The following MTX2 variants were observed in gnomAD, a reference collection of about 807,000 sequenced individuals.
MTX2 encodes the protein metaxin 2, also known as metaxin-2.
Under a neutral mutation model 42.3 loss-of-function variants are expected in MTX2, and 35 were observed. That is an observed-to-expected ratio of 0.83 (90% CI 0.63 to 1.10). MTX2 has a LOEUF of 1.10. Among genes scored for constraint, MTX2 ranks in the 50% least tolerant of loss-of-function variants. MTX2 has a pLI of 0.00. For synonymous variants in MTX2, 119 were observed against 100.9 expected (o/e 1.18, Z -1.08); for missense variants, 307 against 304.1 (o/e 1.01, Z -0.07).
At chr2:176,282,081 C>T (rs1693089561) in intron 1 of MTX2, among the ~76,000 whole-genome samples, 1 of 135,436 alleles carries the variant, frequency 7.4e-6, no homozygotes, top group African/African-American at 2.9e-5. Flanking sequence ...GAGATGTTAT[C>T]CTTCCTTAAA....
chr2:176,303,183 G>T (rs1050233705), intron 3 of MTX2, among the ~76,000 whole-genome samples: 1 of 151,976 alleles, frequency 6.6e-6, no homozygotes, highest in African/African-American at 2.4e-5. Context: ...GATGACATGA[G>T]TGGACATATT....
intron 1 of MTX2, 51 bp downstream of exon 1, chr2:176,269,720 C>T (rs1009317598): frequency 1.9e-5 from 30 of 1,557,124 alleles, no homozygotes; most frequent in Non-Finnish European, 2.6e-5. Flanking sequence ...TCTCGGGGAG[C>T]CGCGTGGGGT....
intron 3 of MTX2, among the ~76,000 whole-genome samples, chr2:176,301,710 C>A (rs1156230317): frequency 1.3e-5 from 2 of 152,098 alleles, no homozygotes; most frequent in Non-Finnish European, 2.9e-5. Flanking sequence ...TTTCACCTAA[C>A]AATAAGTGAT....
chr2:176,337,426 C>A, intron 9 of MTX2, 67 bp from the exon 10 acceptor site: 1 of 1,369,160 alleles, frequency 7.3e-7, no homozygotes, highest in Non-Finnish European at 9.9e-7. Context: ...GTGAAGAGGG[C>A]CAACTGTGTT....
intron 3 of MTX2, among the ~76,000 whole-genome samples, chr2:176,306,947 A>C (rs1404089389): frequency 6.6e-6 from 1 of 152,056 alleles, no homozygotes; most frequent in African/African-American, 2.4e-5. Flanking sequence ...TTTTGTTGCC[A>C]TTGTTTTTGG....
intron 1 of MTX2, among the ~76,000 whole-genome samples, chr2:176,276,723 A>G (rs1283121098): frequency 6.6e-6 from 1 of 152,180 alleles, no homozygotes; most frequent in Non-Finnish European, 1.5e-5. Context: ...AACTCTTAAC[A>G]TGTAGTATCC....
At chr2:176,327,087 T>C (rs1684726296) in intron 5 of MTX2, among the ~76,000 whole-genome samples, 186 bp downstream of exon 5, 1 of 119,866 alleles carries the variant, frequency 8.3e-6, no homozygotes, top group South Asian at 3.0e-4. Context: ...TAGCTTTTTT[T>C]CCTCTATTAA....
intron 1 of MTX2, among the ~76,000 whole-genome samples, chr2:176,282,799 G>A (rs1286916750): frequency 2.0e-5 from 3 of 151,720 alleles, no homozygotes; most frequent in Non-Finnish European, 4.4e-5. Context: ...CATCTCCTGG[G>A]TTCATGCGAT....
chr2:176,290,089 C>T (rs763747079), intron 1 of MTX2, among the ~76,000 whole-genome samples: 2 of 152,076 alleles, frequency 1.3e-5, no homozygotes, highest in Non-Finnish European at 2.9e-5. Flanking sequence ...TTGCTTAGTC[C>T]TAAAAGCCTT....
chr2:176,290,892 A>C (rs1327089932), intron 1 of MTX2, among the ~76,000 whole-genome samples: 1 of 152,084 alleles, frequency 6.6e-6, no homozygotes, highest in Non-Finnish European at 1.5e-5. Context: ...ATCTCTTTCT[A>C]TACAATGTTT....
chr2:176,303,986 C>T (rs775348265), intron 3 of MTX2, among the ~76,000 whole-genome samples: 14 of 151,646 alleles, frequency 9.2e-5, no homozygotes, highest in Non-Finnish European at 2.1e-4. Context: ...TAAACAGAAC[C>T]ATAAAGATAC....
chr2:176,276,433 G>A (rs532310229), intron 1 of MTX2, among the ~76,000 whole-genome samples: 1 of 152,248 alleles, frequency 6.6e-6, no homozygotes, highest in East Asian at 1.9e-4. Context: ...ATTTGGTCTT[G>A]TTAGGTATTT....
chr2:176,329,907 ATCTG>A (rs948264593), intron 8 of MTX2, among the ~76,000 whole-genome samples: 11 of 148,114 alleles, frequency 7.4e-5, no homozygotes, highest in South Asian at 4.2e-4. Flanking sequence ...CTATCTGTCT[ATCTG>A]TCTATCTATC....
intron 3 of MTX2, among the ~76,000 whole-genome samples, chr2:176,318,705 T>A (rs1271379287): frequency 6.6e-6 from 1 of 152,218 alleles, no homozygotes; most frequent in African/African-American, 2.4e-5. Context: ...TTAAAAATAA[T>A]GTTTGCTATA....
chr2:176,317,553 A>G (rs1419357305), intron 3 of MTX2, among the ~76,000 whole-genome samples: 3 of 152,100 alleles, frequency 2.0e-5, no homozygotes, highest in Non-Finnish European at 4.4e-5. Flanking sequence ...TGTGGATGTC[A>G]CTGTAGATTG....
chr2:176,330,538 T>C (rs774493291), intron 8 of MTX2, 46 bp from the exon 9 acceptor site: 2 of 1,359,666 alleles, frequency 1.5e-6, no homozygotes, highest in Non-Finnish European at 2.0e-6. Context: ...TTTTTATTGT[T>C]TTGCTAATTG....
In MTX2 at chr2:176,296,884, C is replaced by G; in HGVS notation, c.65C>G (p.Ala22Gly). 1 of 1,613,494 alleles carries G rather than the reference C, an allele frequency of 6.2e-7. No individual in the cohort carries two copies. The highest frequency in any genetic ancestry group is 8.5e-7 in the Non-Finnish European group (1 of 1,179,656). The change falls in exon 2 of 10, where the codon GCT becomes GGT. Residue 22 changes from alanine to glycine, a missense_variant. By Grantham distance (60) the Ala-to-Gly change is moderately conservative. Coordinates refer to ENST00000249442, the MANE Select transcript of MTX2 (RefSeq NM_006554.5). ...GCTGCAGAACCTTGGCCTGAAAATGCTACATTATATCAGCAATTGAAAGGT... is the reference window on the plus strand; with the variant it reads ...GCTGCAGAACCTTGGCCTGAAAATGGTACATTATATCAGCAATTGAAAGGT... ...IAAAEPWPEN[A>G]TLYQQLKGEQ...
intron 1 of MTX2, among the ~76,000 whole-genome samples, chr2:176,289,047 T>C (rs947380994): frequency 1.3e-5 from 2 of 152,078 alleles, no homozygotes; most frequent in African/African-American, 4.8e-5. Context: ...CTTACGGGTA[T>C]ACTTATGTGA....
intron 4 of MTX2, among the ~76,000 whole-genome samples, chr2:176,326,306 T>G (rs112455819): frequency 7.2e-5 from 11 of 151,886 alleles, no homozygotes; most frequent in African/African-American, 2.2e-4. Flanking sequence ...CTTGCTATTT[T>G]GAGTTAAAGA....
Sources: gnomAD v4.1 joint callset for allele counts (sites outside exome capture counted in the v4.1 genomes callset) on GRCh38, gnomAD v4.1.1 for gene constraint, MANE v1.5 for transcripts, NCBI Gene and HGNC (gene_info 2026-07-23, HGNC 2026-07-21) for gene names.